The following VAT1L variants were observed in gnomAD, a reference collection of about 807,000 sequenced individuals.
VAT1L encodes the protein vesicle amine transport 1 like.
A neutral mutation model predicts 44.1 loss-of-function variants in VAT1L; 34 were observed. That is an observed-to-expected ratio of 0.77 (90% CI 0.59 to 1.03). The LOEUF is 1.03. VAT1L is among the 50% of genes least tolerant of loss of function. The pLI is 0.00. For missense variants in VAT1L, 615 were observed against 538.8 expected (o/e 1.14, Z -1.40); for synonymous variants, 253 against 202.2 (o/e 1.25, Z -2.13).
At chr16:77,962,012 G>A (rs75738697) in intron 7 of VAT1L, among the ~76,000 whole-genome samples, 2 of 152,132 alleles carry the variant, frequency 1.3e-5, no homozygotes, top group East Asian at 3.9e-4. Context: ...AGTCCTCCTG[G>A]TCAGCTGTGA....
intron 3 of VAT1L, among the ~76,000 whole-genome samples, chr16:77,831,740 T>A (rs1276805564): frequency 3.9e-5 from 6 of 152,142 alleles, no homozygotes; most frequent in African/African-American, 7.2e-5. Context: ...GAAAAACTGA[T>A]GGAATCAGAA....
intron 7 of VAT1L, chr16:77,892,972 G>C (rs778106594): frequency 1.3e-6 from 1 of 740,760 alleles, no homozygotes; most frequent in African/African-American, 1.7e-5. Flanking sequence ...TAGCTCAGGA[G>C]GGTACCCTCC....
intron 3 of VAT1L, among the ~76,000 whole-genome samples, chr16:77,852,133 T>C (rs2016814383): frequency 3.9e-5 from 6 of 152,130 alleles, no homozygotes; most frequent in Admixed American, 3.9e-4. Context: ...TGCCCGTCCT[T>C]ATTGCTCAAA....
intron 8 of VAT1L, 147 bp from the exon 9 acceptor site, chr16:77,977,450 G>C: frequency 2.8e-6 from 2 of 708,116 alleles, no homozygotes; most frequent in African/African-American, 3.6e-5. Flanking sequence ...CCCAACATAT[G>C]ACAGCTAATC....
chr16:77,897,361 G>A (rs2017335082), intron 7 of VAT1L, among the ~76,000 whole-genome samples: 1 of 152,176 alleles, frequency 6.6e-6, no homozygotes, highest in African/African-American at 2.4e-5. Context: ...TCCATATGTG[G>A]TGAACTCTTG....
At chr16:77,933,844 A>G (rs1342680490) in intron 7 of VAT1L, among the ~76,000 whole-genome samples, 2 of 152,244 alleles carry the variant, frequency 1.3e-5, no homozygotes, top group Admixed American at 1.3e-4. Flanking sequence ...GTCAGATGGC[A>G]CATAGCCTAG....
intron 1 of VAT1L, among the ~76,000 whole-genome samples, chr16:77,807,956 T>G (rs1219232385): frequency 2.0e-5 from 3 of 152,112 alleles, no homozygotes; most frequent in African/African-American, 7.2e-5. Flanking sequence ...TGCTTTGACT[T>G]CATGGTTATA....
intron 3 of VAT1L, among the ~76,000 whole-genome samples, chr16:77,839,358 A>G (rs1436347090): frequency 6.6e-6 from 1 of 151,646 alleles, no homozygotes; most frequent in Non-Finnish European, 1.5e-5. Flanking sequence ...ACACGGTGAA[A>G]CCCTGTCTCT....
chr16:77,957,229 C>A (rs770298450), intron 7 of VAT1L, among the ~76,000 whole-genome samples: 1 of 152,120 alleles, frequency 6.6e-6, no homozygotes, highest in Non-Finnish European at 1.5e-5. Flanking sequence ...CATGAATTCT[C>A]ATGTTTGACA....
chr16:77,813,314 A>T (rs1172505878), intron 1 of VAT1L, among the ~76,000 whole-genome samples: 1 of 152,228 alleles, frequency 6.6e-6, no homozygotes, highest in Non-Finnish European at 1.5e-5. Flanking sequence ...AAAAAAAAGT[A>T]GAGTCAACAA....
At chr16:77,856,344 T>C (rs961317150) in intron 3 of VAT1L, among the ~76,000 whole-genome samples, 1 of 152,196 alleles carries the variant, frequency 6.6e-6, no homozygotes, top group African/African-American at 2.4e-5. Context: ...GAGTTTCTGA[T>C]GCTAAATCCT....
At chr16:77,973,802 T>G (rs1399056824) in intron 8 of VAT1L, among the ~76,000 whole-genome samples, 2 of 151,750 alleles carry the variant, frequency 1.3e-5, no homozygotes, top group Non-Finnish European at 2.9e-5. Context: ...CTTGGCTCAC[T>G]GCAAGCTCCA....
chr16:77,863,104 G>C (rs2016933801), intron 4 of VAT1L, among the ~76,000 whole-genome samples: 1 of 152,136 alleles, frequency 6.6e-6, no homozygotes, highest in African/African-American at 2.4e-5. Context: ...CGGCTAACTT[G>C]GAAAGTTAAT....
intron 7 of VAT1L, among the ~76,000 whole-genome samples, chr16:77,947,842 C>G (rs1277051315): frequency 6.6e-6 from 1 of 152,208 alleles, no homozygotes. Context: ...TCACCACAAC[C>G]TCTGCCTCCC....
At chr16:77,901,709 G>C (rs2142476656) in intron 7 of VAT1L, among the ~76,000 whole-genome samples, 1 of 152,202 alleles carries the variant, frequency 6.6e-6, no homozygotes, top group South Asian at 2.1e-4. Context: ...CTTGGCATCA[G>C]ATCTCTCTCA....
At chr16:77,932,271 T>C (rs1368664154) in intron 7 of VAT1L, among the ~76,000 whole-genome samples, 4 of 151,748 alleles carry the variant, frequency 2.6e-5, no homozygotes, top group Admixed American at 6.6e-5. Flanking sequence ...AGCTGGCTAA[T>C]TTTTTTGTAT....
rs1196633285 is a variant in VAT1L, at chr16:77,978,464, A to T, written c.*769A>T. 1.3e-5 allele frequency: 2 copies of T among 152,210 alleles called. No individual in the cohort carries two copies. The highest frequency in any genetic ancestry group is 6.5e-5 in the Admixed American group (1 of 15,276). 9.4% of individuals were successfully genotyped at this position (152,210 alleles called of 1,614,324 possible). ...TCCATATCTGTTTCAATTTTAAGAA[A>T]GCACCACATACAAGACACATTCAGA... On this transcript the variant is annotated 3_prime_UTR_variant, in exon 9 of 9. Transcript: ENST00000302536.
At chr16:77,935,016 C>A (rs2142505877) in intron 7 of VAT1L, among the ~76,000 whole-genome samples, 1 of 152,196 alleles carries the variant, frequency 6.6e-6, no homozygotes, top group African/African-American at 2.4e-5. Flanking sequence ...AAAAAGGCCT[C>A]TTGGTGCTCG....
chr16:77,794,859 C>A (rs2015899856), intron 1 of VAT1L, among the ~76,000 whole-genome samples: 1 of 152,124 alleles, frequency 6.6e-6, no homozygotes, highest in African/African-American at 2.4e-5. Flanking sequence ...TAGCTCGGGT[C>A]ATTTTTATTT....
Sources: gnomAD v4.1 joint callset for allele counts (sites outside exome capture counted in the v4.1 genomes callset) on GRCh38, gnomAD v4.1.1 for gene constraint, MANE v1.5 for transcripts, NCBI Gene and HGNC (gene_info 2026-07-23, HGNC 2026-07-21) for gene names.